KIF18A: variants seen among roughly 807,000 people sequenced by gnomAD.
KIF18A encodes the protein kinesin family member 18A, also known as kinesin-like protein KIF18A.
In KIF18A, 67 loss-of-function variants were observed where a neutral mutation model predicts 103.3. The observed-to-expected ratio is 0.65, with a 90% CI of 0.53 to 0.79. The LOEUF (loss-of-function observed/expected upper bound fraction) is 0.79, where lower values mean the gene tolerates loss of function less well. KIF18A is among the 30% of genes least tolerant of loss of function. KIF18A has a pLI of 0.00. For missense variants in KIF18A, 1,032 were observed against 1,062.5 expected (o/e 0.97, Z 0.40); for synonymous variants, 367 against 355.5 (o/e 1.03, Z -0.36).
At chr11:28,029,308 G>A (rs1270660913) in intron 15 of KIF18A, among the ~76,000 whole-genome samples, 2 of 152,110 alleles carry the variant, frequency 1.3e-5, no homozygotes, top group Non-Finnish European at 2.9e-5. Context: ...CAATCCAGCA[G>A]CACATCAAAA....
intron 11 of KIF18A, among the ~76,000 whole-genome samples, chr11:28,068,577 G>A (rs1431891457): frequency 6.6e-6 from 1 of 151,592 alleles, no homozygotes; most frequent in African/African-American, 2.4e-5. Context: ...GGAATTTTTG[G>A]AAACATCTTT....
intron 5 of KIF18A, among the ~76,000 whole-genome samples, chr11:28,089,555 G>A (rs1042241310): frequency 4.6e-5 from 7 of 152,098 alleles, no homozygotes; most frequent in African/African-American, 1.4e-4. Context: ...TGAGTAATGT[G>A]TTACGCCACG....
chr11:28,062,130 T>C (rs188767013), intron 12 of KIF18A, among the ~76,000 whole-genome samples: 20 of 152,236 alleles, frequency 1.3e-4, no homozygotes, highest in Admixed American at 1.0e-3. Flanking sequence ...TCAATGTGTG[T>C]AGGTACTTAT....
In KIF18A at chr11:28,094,938, C is replaced by T. The variant is rs772024511; in HGVS notation, c.326-138G>A. The T allele has an allele frequency of 1.0e-5, 8 of 775,996 alleles. No individual in the cohort carries two copies. The Admixed American group carries it at 1.8e-4, about 18-fold the overall frequency. The allele number at this position is 775,996 out of a possible 1,614,324, so 48.1% of individuals were successfully genotyped here. A position where few individuals can be genotyped will look rare whatever the true frequency, so the allele number is the denominator to read the frequency against. ...ACAAATCCAAAATTATAGTCTTATC[C>T]TTAAAACCTGGGAATGTTACCACAA... On this transcript the variant is annotated intron_variant, in intron 2 of 16. Transcript: ENST00000263181.
rs1007412528 is a variant in KIF18A at position 28,059,237 on chromosome 11, C to T, written c.1713-76G>A. The T allele has an allele frequency of 4.1e-6, 4 of 978,302 alleles. No homozygotes were observed. The South Asian group carries it at 5.9e-5, about 15-fold the overall frequency. 60.6% of individuals were successfully genotyped at this position (978,302 alleles called of 1,614,324 possible). On this transcript the variant is annotated intron_variant, in intron 12 of 16. Transcript: ENST00000263181. ...ACATTATTTTAGTTCTTTTATGTAACACCCAAAGCATTAGCATATCATTAA... is the reference window on the plus strand; with the variant it reads ...ACATTATTTTAGTTCTTTTATGTAATACCCAAAGCATTAGCATATCATTAA...
In KIF18A at chr11:28,101,591, A is replaced by T. The variant is rs1474256615; in HGVS notation, c.-46-3598T>A. On this transcript the variant is annotated intron_variant, in intron 1 of 16. Transcript: ENST00000263181. The stretch of plus-strand genomic sequence containing the variant: ...CCATCTGTAAAGTAAGACTAACAAC[A>T]GTACCTATCTCATAAAGTTGTAAAG... 2.6e-5 allele frequency among the ~76,000 whole-genome samples: 4 copies of T among 152,292 alleles called. No individual in the cohort carries two copies. In the East Asian group the frequency reaches 7.7e-4, roughly 29 times the overall value.
At chr11:28,069,490 A>T (rs1850982394) in intron 10 of KIF18A, 67 bp from the exon 11 acceptor site, 1 of 1,427,440 alleles carries the variant, frequency 7.0e-7, no homozygotes, top group African/African-American at 1.4e-5. Context: ...ATATTAGTAA[A>T]CTAGTATATT....
At chr11:28,054,705 T>G (rs952176440) in intron 13 of KIF18A, among the ~76,000 whole-genome samples, 1 of 152,164 alleles carries the variant, frequency 6.6e-6, no homozygotes, top group Non-Finnish European at 1.5e-5. Flanking sequence ...AATAAATAGT[T>G]GATCTCTAAA....
intron 12 of KIF18A, among the ~76,000 whole-genome samples, chr11:28,060,336 A>G (rs1378150108): frequency 1.3e-5 from 2 of 152,200 alleles, no homozygotes; most frequent in African/African-American, 2.4e-5. Flanking sequence ...AAGTATGGAT[A>G]GGGTAGTGGG....
At position 28,091,496 on chromosome 11, in the gene KIF18A, A is replaced by C; in HGVS notation, c.501T>G (p.Ile167Met). 6.2e-7 allele frequency: 1 copy of C among 1,600,730 alleles called. No homozygotes were observed. Among genetic ancestry groups the C allele is most frequent in the Admixed American group, 1.7e-5 (1 of 59,736 alleles). Residue 167 changes from isoleucine (I) to methionine (M), a missense_variant, in exon 4 of 17, where the codon ATT (isoleucine) becomes ATG (methionine). Ile to Met is a conservative substitution (Grantham distance 10). Transcript: ENST00000263181. ...VSYLEVYNEQIRDLLVNSGPL... is the reference protein window; with the variant it reads ...VSYLEVYNEQMRDLLVNSGPL... ...GCCCTGAATTTACTAAGAGATCACG[A>C]ATCTGTTCATTATATACCTTAAAAT...
intron 13 of KIF18A, among the ~76,000 whole-genome samples, chr11:28,048,433 C>T (rs901636661): frequency 6.6e-6 from 1 of 151,904 alleles, no homozygotes; most frequent in African/African-American, 2.4e-5. Context: ...AATTCATATT[C>T]GTTGATAGCA....
intron 7 of KIF18A, 32 bp downstream of exon 7, chr11:28,084,600 C>T (rs778245539): frequency 2.0e-6 from 3 of 1,514,370 alleles, no homozygotes; most frequent in South Asian, 2.4e-5. Context: ...CAGACAATAC[C>T]TTCACAACAA....
In KIF18A at chr11:28,084,532, CATT is replaced by C; in HGVS notation, c.1074+97_1074+99del. 5 of 966,404 alleles carry C rather than the reference CATT, an allele frequency of 5.2e-6. No homozygotes were observed. In the South Asian group the frequency reaches 9.0e-5, roughly 17 times the overall value. 59.9% of individuals were successfully genotyped at this position (966,404 alleles called of 1,614,324 possible). A position where few individuals can be genotyped will look rare whatever the true frequency, so the allele number is the denominator to read the frequency against. ...CCTTCTAACCCTCAGCTGCCTAACT[CATT>C]ATGTAGAAACATAACCTGAATTAAT... On this transcript the variant is annotated intron_variant, in intron 7 of 16. Transcript: ENST00000263181.
At chr11:28,059,895 C>T (rs1272406229) in intron 12 of KIF18A, among the ~76,000 whole-genome samples, 1 of 152,104 alleles carries the variant, frequency 6.6e-6, no homozygotes, top group African/African-American at 2.4e-5. Flanking sequence ...AACACACACA[C>T]ACACACAAAC....
rs1328764554 is a variant in KIF18A at position 28,077,186 on chromosome 11, A to T, written c.1263-17T>A. ...TCTTGAAACCTACCAAAATTAAAAC[A>T]CATTACAGAATCTCACTAATTTTGT... On this transcript the variant is annotated splice_polypyrimidine_tract_variant and intron_variant, in intron 9 of 16. Transcript: ENST00000263181. 2.0e-6 allele frequency: 3 copies of T among 1,533,418 alleles called. No individual in the cohort carries two copies. Among genetic ancestry groups the T allele is most frequent in the Non-Finnish European group, 2.6e-6 (3 of 1,145,628 alleles). The allele number at this position is 1,533,418 out of a possible 1,614,324, so 95.0% of individuals were successfully genotyped here.
chr11:28,055,082 G>A (rs1850761275), intron 13 of KIF18A, among the ~76,000 whole-genome samples: 2 of 152,016 alleles, frequency 1.3e-5, no homozygotes, highest in Admixed American at 6.6e-5. Context: ...GAGAGAATCT[G>A]AAAAAAACTT....
intron 3 of KIF18A, among the ~76,000 whole-genome samples, chr11:28,092,840 T>C (rs749485838): frequency 6.6e-6 from 1 of 152,192 alleles, no homozygotes; most frequent in Non-Finnish European, 1.5e-5. Flanking sequence ...AGAAATATTT[T>C]TAAATCATAT....
At chr11:28,105,393 ATT>A (rs1022936990) in intron 1 of KIF18A, among the ~76,000 whole-genome samples, 2 of 152,168 alleles carry the variant, frequency 1.3e-5, no homozygotes, top group African/African-American at 4.8e-5. Context: ...AAATATATAT[ATT>A]GCTTACTTTT....
At chr11:28,081,023 C>A (rs1207305053) in intron 9 of KIF18A, among the ~76,000 whole-genome samples, 1 of 152,096 alleles carries the variant, frequency 6.6e-6, no homozygotes, top group Non-Finnish European at 1.5e-5. Flanking sequence ...CCAGAGCAAG[C>A]CTTCTAAATC....
Sources: gnomAD v4.1 joint callset for allele counts (sites outside exome capture counted in the v4.1 genomes callset) on GRCh38, gnomAD v4.1.1 for gene constraint, MANE v1.5 for transcripts, NCBI Gene and HGNC (gene_info 2026-07-23, HGNC 2026-07-21) for gene names.